Variants in SRBD1 observed in about 807,000 individuals in gnomAD.
SRBD1 encodes the protein S1 RNA binding domain 1, also known as S1 RNA-binding domain-containing protein 1.
In SRBD1, 88 loss-of-function variants were observed where a neutral mutation model predicts 115.3. The ratio of observed to expected loss-of-function variants is 0.76; its 90% CI spans 0.64 to 0.91. The LOEUF is 0.91. Among genes scored for constraint, SRBD1 ranks in the 40% least tolerant of loss-of-function variants. The probability of loss-of-function intolerance (pLI) is 0.00; values close to 1 mark genes in which losing one functional copy is unlikely to be tolerated. For synonymous variants in SRBD1, 509 were observed against 407.7 expected (o/e 1.25, Z -2.99); for missense variants, 1,385 against 1,177.4 (o/e 1.18, Z -2.58).
intron 20 of SRBD1, 126 bp downstream of exon 20, chr2:45,392,819 T>C (rs1008781060): frequency 8.3e-6 from 8 of 958,512 alleles, no homozygotes; most frequent in African/African-American, 1.7e-5. Flanking sequence ...ATGCTTTATT[T>C]TTCTCATGTA....
At chr2:45,505,045 A>T (rs1670755902) in intron 14 of SRBD1, among the ~76,000 whole-genome samples, 1 of 152,104 alleles carries the variant, frequency 6.6e-6, no homozygotes, top group African/African-American at 2.4e-5. Context: ...ATAAGGACAC[A>T]TAAACACAAC....
At chr2:45,421,113 C>T (rs939058775) in intron 16 of SRBD1, among the ~76,000 whole-genome samples, 9 of 152,112 alleles carry the variant, frequency 5.9e-5, no homozygotes, top group African/African-American at 2.2e-4. Flanking sequence ...GGATTAGCAA[C>T]CAAGTTCATG....
intron 2 of SRBD1, among the ~76,000 whole-genome samples, chr2:45,602,576 C>T (rs1674133172): frequency 6.6e-6 from 1 of 152,174 alleles, no homozygotes; most frequent in South Asian, 2.1e-4. Flanking sequence ...AGCACCAAGA[C>T]CCTTCCAACT....
intron 8 of SRBD1, among the ~76,000 whole-genome samples, chr2:45,573,558 C>T (rs1380700484): frequency 2.0e-5 from 3 of 152,050 alleles, no homozygotes; most frequent in African/African-American, 7.2e-5. Context: ...TATATCTACT[C>T]AATCTTCCCA....
chr2:45,546,689 T>A, intron 14 of SRBD1, 43 bp downstream of exon 14: 2 of 1,589,246 alleles, frequency 1.3e-6, no homozygotes. Flanking sequence ...ACTTTAAAGT[T>A]CCCATGCTTC....
intron 20 of SRBD1, among the ~76,000 whole-genome samples, chr2:45,391,592 G>C (rs997104052): frequency 3.9e-5 from 6 of 152,114 alleles, no homozygotes; most frequent in Non-Finnish European, 8.8e-5. Context: ...ACTTACATTA[G>C]AGCAAAGGTC....
chr2:45,551,346 C>A (rs1345694167), intron 11 of SRBD1, 64 bp from the exon 12 acceptor site: 2 of 1,457,278 alleles, frequency 1.4e-6, no homozygotes, highest in East Asian at 2.4e-5. Context: ...AGAAAAGGAG[C>A]AGAATTCATT....
intron 16 of SRBD1, among the ~76,000 whole-genome samples, chr2:45,458,607 C>T (rs62127147): frequency 0.34 from 51,705 of 151,998 alleles, 9,730 homozygotes; most frequent in Non-Finnish European, 0.44. Context: ...GCAACCATAT[C>T]CTTCTTCATC....
At chr2:45,540,770 C>T (rs1671908661) in intron 14 of SRBD1, among the ~76,000 whole-genome samples, 1 of 152,192 alleles carries the variant, frequency 6.6e-6, no homozygotes, top group African/African-American at 2.4e-5. Context: ...TGAAGATGCT[C>T]ATGATCATTA....
chr2:45,419,597 G>A (rs1206869528), intron 17 of SRBD1, among the ~76,000 whole-genome samples, 191 bp downstream of exon 17: 3 of 152,218 alleles, frequency 2.0e-5, no homozygotes, highest in East Asian at 1.9e-4. Flanking sequence ...TATTAAAAAT[G>A]ATAATGTGAA....
chr2:45,595,530 G>A (rs559061180), intron 4 of SRBD1, among the ~76,000 whole-genome samples: 5 of 152,222 alleles, frequency 3.3e-5, no homozygotes, highest in African/African-American at 7.2e-5. Flanking sequence ...AAATGTTCAG[G>A]ACTTTTCTGA....
At chr2:45,410,486 C>A (rs907359612) in intron 19 of SRBD1, among the ~76,000 whole-genome samples, 3 of 152,224 alleles carry the variant, frequency 2.0e-5, no homozygotes, top group African/African-American at 7.2e-5. Context: ...AAGCAAGGTT[C>A]ATGTGATATT....
rs184987577 is a variant in SRBD1, at chr2:45,603,588, G to A, written c.81-1505C>T. Among the ~76,000 whole-genome samples, 398 of 152,290 alleles carry A rather than the reference G, an allele frequency of 2.6e-3. 1 individual carries two copies. Among genetic ancestry groups the A allele is most frequent in the Non-Finnish European group, 4.5e-3 (308 of 68,020 alleles). Reference sequence around the variant, plus strand: ...TCTGTCACACAGGCTGGAGTGCAGTGACGTGATCTCGGTTCACTGCAACCT... The same window carrying A: ...TCTGTCACACAGGCTGGAGTGCAGTAACGTGATCTCGGTTCACTGCAACCT... On this transcript the variant is annotated intron_variant, in intron 2 of 20. Transcript: ENST00000263736.
chr2:45,602,814 T>C (rs1280115196), intron 2 of SRBD1, among the ~76,000 whole-genome samples: 1 of 152,196 alleles, frequency 6.6e-6, no homozygotes, highest in South Asian at 2.1e-4. Flanking sequence ...CTTCCTTTAC[T>C]GAGATGAGTG....
At chr2:45,560,313 T>G (rs1672622044) in intron 10 of SRBD1, among the ~76,000 whole-genome samples, 1 of 152,200 alleles carries the variant, frequency 6.6e-6, no homozygotes, top group African/African-American at 2.4e-5. Context: ...AAAGCATATT[T>G]TTTCTTTAAC....
At chr2:45,405,325 T>C (rs1472339081) in intron 19 of SRBD1, among the ~76,000 whole-genome samples, 1 of 152,178 alleles carries the variant, frequency 6.6e-6, no homozygotes, top group Admixed American at 6.6e-5. Context: ...GAGCCTTTTT[T>C]GTTTGTCTTG....
chr2:45,407,034 G>T (rs1193040279), intron 19 of SRBD1, among the ~76,000 whole-genome samples: 1 of 152,164 alleles, frequency 6.6e-6, no homozygotes, highest in African/African-American at 2.4e-5. Context: ...TTGTAGCCTA[G>T]TTAAAAGCTC....
chr2:45,454,537 A>G (rs1558406088), intron 16 of SRBD1, among the ~76,000 whole-genome samples: 1 of 151,862 alleles, frequency 6.6e-6, no homozygotes, highest in Non-Finnish European at 1.5e-5. Context: ...ATAAAACATC[A>G]ATCTAATTGT....
In SRBD1 at chr2:45,563,724, G is replaced by A. The variant is rs1408269682; in HGVS notation, c.1306-968C>T. ...AGATAAAATGGACAAATTCCTAAAA[G>A]ATACAAACTACCAAAAACAAACCAA... On this transcript the variant is annotated intron_variant, in intron 9 of 20. Coordinates refer to ENST00000263736, the MANE Select transcript of SRBD1 (RefSeq NM_018079.5). Among the ~76,000 whole-genome samples the A allele has an allele frequency of 4.0e-5, 6 of 151,858 alleles. No individual in the cohort carries two copies. The East Asian group carries it at 1.2e-3, about 29-fold the overall frequency.
Sources: allele counts gnomAD v4.1 joint callset (sites outside exome capture counted in the v4.1 genomes callset), GRCh38; gene constraint gnomAD v4.1.1; transcripts MANE v1.5; gene names NCBI Gene and HGNC (gene_info 2026-07-23, HGNC 2026-07-21).